DMD: variants seen among roughly 807,000 people sequenced by gnomAD.
The protein encoded by DMD is dystrophin.
In DMD, 63 loss-of-function variants were observed where a neutral mutation model predicts 330.1. The observed-to-expected ratio is 0.19, with a 90% confidence interval of 0.16 to 0.24. The LOEUF (loss-of-function observed/expected upper bound fraction) is 0.24, where lower values mean the gene tolerates loss of function less well. Ranked by LOEUF, DMD falls within the 10% of genes least tolerant of loss-of-function variation. DMD has a pLI of 1.00. For synonymous variants in DMD, 1,223 were observed against 959.8 expected, an observed-to-expected ratio of 1.27 and a Z score of -5.07; for missense variants, 3,344 against 2,684.1, an observed-to-expected ratio of 1.25 and a Z score of -5.43.
chrX:31,822,323 CG>C (rs1296252268), intron 49 of DMD, among the ~76,000 whole-genome samples: 1 of 111,601 alleles, frequency 9.0e-6, no homozygotes, highest in East Asian at 2.8e-4. Context: ...AGGAAAACTA[CG>C]TGCAAAATGG....
intron 60 of DMD, among the ~76,000 whole-genome samples, chrX:31,397,070 A>G (rs1330430819): frequency 8.9e-6 from 1 of 111,918 alleles, no homozygotes; most frequent in African/African-American, 3.3e-5. Context: ...TCATTTGTAT[A>G]ATTTTGGGGC....
chrX:31,135,177 C>T (rs1451855853), intron 76 of DMD, among the ~76,000 whole-genome samples: 1 of 112,487 alleles, frequency 8.9e-6, no homozygotes, highest in Non-Finnish European at 1.9e-5. Flanking sequence ...ATAAGTATTA[C>T]TGCACACTTG....
intron 16 of DMD, among the ~76,000 whole-genome samples, chrX:32,550,557 C>A (rs1200395757): frequency 1.4e-4 from 16 of 110,582 alleles, no homozygotes; most frequent in Non-Finnish European, 1.9e-5. Context: ...TCTCTAATTA[C>A]AAAACGAACA....
chrX:33,113,898 T>C (rs2095360756), intron 1 of DMD, among the ~76,000 whole-genome samples: 1 of 110,571 alleles, frequency 9.0e-6, no homozygotes. Flanking sequence ...CTTCCACGGG[T>C]AGATGAATAA....
chrX:33,287,276 G>T (rs758616065), intron 1 of DMD, among the ~76,000 whole-genome samples: 2 of 110,577 alleles, frequency 1.8e-5, no homozygotes, highest in Non-Finnish European at 1.9e-5. Context: ...TAACGTTTTG[G>T]ACTGATAATT....
At chrX:32,984,791 C>T (rs2092801628) in intron 2 of DMD, among the ~76,000 whole-genome samples, 1 of 111,393 alleles carries the variant, frequency 9.0e-6, no homozygotes, top group African/African-American at 3.3e-5. Context: ...CTGCTTCTCG[C>T]TGGAAACCTT....
At chrX:32,893,053 A>C (rs1246422039) in intron 2 of DMD, among the ~76,000 whole-genome samples, 1 of 112,379 alleles carries the variant, frequency 8.9e-6, no homozygotes, top group African/African-American at 3.2e-5. Context: ...TAGTTAATTC[A>C]TGAGAATGAA....
At chrX:31,730,961 T>C (rs1451312399) in intron 51 of DMD, among the ~76,000 whole-genome samples, 1 of 111,993 alleles carries the variant, frequency 8.9e-6, no homozygotes, top group Non-Finnish European at 1.9e-5. Flanking sequence ...ATTTTGGTTT[T>C]GGAAAGGCCA....
At chrX:31,967,112 A>C (rs1020175035) in intron 45 of DMD, among the ~76,000 whole-genome samples, 1 of 110,657 alleles carries the variant, frequency 9.0e-6, no homozygotes, top group African/African-American at 3.3e-5. Flanking sequence ...ATAATAAAAT[A>C]CTTGTATGAT....
At chrX:31,729,292 G>C (rs2086321163) in intron 52 of DMD, among the ~76,000 whole-genome samples, 1 of 111,325 alleles carries the variant, frequency 9.0e-6, no homozygotes, top group African/African-American at 3.3e-5. Flanking sequence ...ATATGAGGGA[G>C]AGACTGGCAT....
intron 7 of DMD, among the ~76,000 whole-genome samples, chrX:32,720,136 C>T (rs2066135261): frequency 9.0e-6 from 1 of 111,435 alleles, no homozygotes; most frequent in Non-Finnish European, 1.9e-5. Flanking sequence ...ACTCGTAACA[C>T]CTATTATACG....
intron 7 of DMD, among the ~76,000 whole-genome samples, chrX:32,755,306 T>C (rs1370723929): frequency 3.3e-5 from 3 of 92,183 alleles, no homozygotes; most frequent in Non-Finnish European, 6.2e-5. Context: ...AAATATTGTC[T>C]TCAGACAAGG....
rs1194849827 is a variant in DMD, at chrX:32,431,118, A to AT, written c.4071+7122dup. ...GGATCATATAGTAATTCTATTTTTAATTTTTTTTTTGAGGAATCTCCATAC... is the reference window on the plus strand; with the variant it reads ...GGATCATATAGTAATTCTATTTTTAATTTTTTTTTTTGAGGAATCTCCATAC... On this transcript the variant is annotated intron_variant, in intron 29 of 78. Coordinates refer to ENST00000357033, the MANE Select transcript of DMD (RefSeq NM_004006.3). Among the ~76,000 whole-genome samples the AT allele has an allele frequency of 2.0e-4, 22 of 108,198 alleles. No homozygotes were observed. In the South Asian group the frequency reaches 3.1e-3, roughly 15 times the overall value. 94.0% of individuals were successfully genotyped at this position (108,198 alleles called of 115,157 possible).
At chrX:32,346,430 C>G (rs1326802865) in intron 38 of DMD, among the ~76,000 whole-genome samples, 1 of 110,728 alleles carries the variant, frequency 9.0e-6, no homozygotes, top group Non-Finnish European at 1.9e-5. Flanking sequence ...GAGAAATGAG[C>G]TAAAGTTATC....
chrX:33,281,848 A>G (rs887027195), intron 1 of DMD, among the ~76,000 whole-genome samples: 1 of 107,694 alleles, frequency 9.3e-6, no homozygotes, highest in Non-Finnish European at 1.9e-5. Context: ...GGTACTCTCA[A>G]AAATCCTTGA....
At chrX:32,557,658 G>T (rs887408480) in intron 16 of DMD, among the ~76,000 whole-genome samples, 1 of 111,622 alleles carries the variant, frequency 9.0e-6, no homozygotes, top group Non-Finnish European at 1.9e-5. Flanking sequence ...CAACTCCACA[G>T]GCATGGTAGC....
intron 44 of DMD, among the ~76,000 whole-genome samples, chrX:32,181,168 C>T (rs1190696540): frequency 9.0e-6 from 1 of 111,512 alleles, no homozygotes; most frequent in African/African-American, 3.3e-5. Context: ...TGGAAATTGC[C>T]CCAACCCATG....
At chrX:32,968,247 AG>A (rs2092241760) in intron 2 of DMD, among the ~76,000 whole-genome samples, 1 of 54,936 alleles carries the variant, frequency 1.8e-5, no homozygotes, top group Non-Finnish European at 2.9e-5. Context: ...ACTTTCAAAC[AG>A]ATTTTTTTTT....
rs1763549909 is a variant in DMD at position 33,107,290 on chromosome X, C to G, written c.32-87090G>C. 3.6e-5 allele frequency among the ~76,000 whole-genome samples: 3 copies of G among 84,344 alleles called. No individual in the cohort carries two copies. In the South Asian group the frequency reaches 2.2e-3, roughly 61 times the overall value. The allele number at this position is 84,344 out of a possible 115,157, so 73.2% of individuals were successfully genotyped here. ...TGGCATCATTGCACTCCAGCCTCGG[C>G]AACAAGAGCGAAGCTCTGTCCCCCC... On this transcript the variant is annotated intron_variant, in intron 1 of 78. Coordinates refer to ENST00000357033, the MANE Select transcript of DMD (RefSeq NM_004006.3).
Sources: gnomAD v4.1 joint callset for allele counts (sites outside exome capture counted in the v4.1 genomes callset) on GRCh38, gnomAD v4.1.1 for gene constraint, MANE v1.5 for transcripts, NCBI Gene and HGNC (gene_info 2026-07-23, HGNC 2026-07-21) for gene names.